Variants in LRBA observed in about 807,000 individuals in gnomAD.
The protein encoded by LRBA is LPS responsive beige-like anchor protein.
A neutral mutation model predicts 330.0 loss-of-function variants in LRBA; 176 were observed. The ratio of observed to expected loss-of-function variants is 0.53; its 90% CI spans 0.47 to 0.60. The LOEUF (loss-of-function observed/expected upper bound fraction) is 0.60, where lower values mean the gene tolerates loss of function less well. LRBA is among the 20% of genes least tolerant of loss of function. The pLI, the probability that LRBA is intolerant of heterozygous loss-of-function variation, is 0.00. For missense variants in LRBA, 3,259 were observed against 3,444.8 expected, an observed-to-expected ratio of 0.95 and a Z score of 1.35; for synonymous variants, 1,230 against 1,193.0, an observed-to-expected ratio of 1.03 and a Z score of -0.64.
At chr4:150,831,409 G>A (rs1747167939) in intron 29 of LRBA, among the ~76,000 whole-genome samples, 1 of 152,032 alleles carries the variant, frequency 6.6e-6, no homozygotes, top group Admixed American at 6.6e-5. Context: ...CCTTTGGGTG[G>A]TAGCTACTTC....
rs570866344 is a variant in LRBA, at chr4:150,852,296, T to C, written c.3414A>G (p.Ala1138=). 1.4e-5 allele frequency: 23 copies of C among 1,614,128 alleles called. No individual in the cohort carries two copies. The East Asian group carries it at 2.2e-4, about 16-fold the overall frequency. ...ELQDNSLSPA[A]SEAGEKLDMF... ...TGTCCAGTTTTTCACCGGCTTCAGA[T>C]GCAGCTGGAGACAAACTGTTATCTT... Residue 1138 remains alanine, a synonymous_variant, in exon 23 of 57, where the codon GCA becomes GCG. Transcript: ENST00000651943.
At chr4:150,819,876 A>C (rs1171672791) in intron 30 of LRBA, among the ~76,000 whole-genome samples, 1 of 151,988 alleles carries the variant, frequency 6.6e-6, no homozygotes, top group East Asian at 1.9e-4. Context: ...TCTTTCACCT[A>C]TTGTCAGGAA....
chr4:150,509,766 T>G (rs1761616482), intron 40 of LRBA, among the ~76,000 whole-genome samples: 1 of 152,100 alleles, frequency 6.6e-6, no homozygotes, highest in Admixed American at 6.6e-5. Flanking sequence ...AAACAGATTT[T>G]TAGACATTAA....
chr4:150,779,367 A>C (rs953216872), intron 34 of LRBA, among the ~76,000 whole-genome samples: 5 of 152,030 alleles, frequency 3.3e-5, no homozygotes, highest in Non-Finnish European at 7.4e-5. Context: ...ATTTTAAACT[A>C]ATAATCATAA....
In LRBA at chr4:150,680,355, AAG is replaced by A. The variant is rs981747059; in HGVS notation, c.5921+3194_5921+3195del. Among the ~76,000 whole-genome samples the A allele has an allele frequency of 3.9e-5, 6 of 152,232 alleles. No homozygotes were observed. In the East Asian group the frequency reaches 5.8e-4, roughly 15 times the overall value. ...GCAATAGTCTAGGCATCAAAGAAAA[AAG>A]AGAGAGAGAGAAAGAACTCTCATGG... On this transcript the variant is annotated intron_variant, in intron 37 of 56. Transcript: ENST00000651943.
intron 40 of LRBA, among the ~76,000 whole-genome samples, chr4:150,501,830 T>A (rs1760318492): frequency 6.6e-6 from 1 of 152,212 alleles, no homozygotes; most frequent in Admixed American, 6.5e-5. Flanking sequence ...ACTGAAAAGT[T>A]GTTTTCAAAA....
chr4:150,453,304 T>A (rs1196588193), intron 44 of LRBA, among the ~76,000 whole-genome samples: 2 of 152,168 alleles, frequency 1.3e-5, no homozygotes, highest in Non-Finnish European at 2.9e-5. Context: ...CTCAAGACTG[T>A]GATACTGATA....
rs1782360 is a variant in LRBA, at chr4:150,852,441, G to C, written c.3269C>G (p.Ala1090Gly). Residue 1090 changes from alanine (A) to glycine (G), a missense_variant, in exon 23 of 57, where the codon GCC becomes GGC. Physicochemically the swap from Ala to Gly is moderately conservative, Grantham distance 60. Coordinates refer to ENST00000651943, the MANE Select transcript of LRBA (RefSeq NM_001364905.1). ...ATCCAAGAATTCTGGCATCTCTGAG[G>C]CATCCTCTTCTGAAGGAGAACTTAT... is the stretch of plus-strand genomic sequence containing the variant. ...ASISSPSEED[A>G]SEMPEFLDKS... is the part of the protein sequence containing the mutation. 0.084 allele frequency: 135,533 copies of C among 1,612,950 alleles called. 9,262 individuals are homozygous for C. The highest frequency in any genetic ancestry group is 0.26 in the South Asian group (23,748 of 91,044).
At chr4:150,404,029 C>T (rs1745842689) in intron 47 of LRBA, among the ~76,000 whole-genome samples, 1 of 151,692 alleles carries the variant, frequency 6.6e-6, no homozygotes, top group Non-Finnish European at 1.5e-5. Flanking sequence ...GAGATTCTGT[C>T]TCAAAAAAAA....
intron 37 of LRBA, among the ~76,000 whole-genome samples, chr4:150,622,745 C>G (rs1399240925): frequency 7.1e-6 from 1 of 140,818 alleles, no homozygotes; most frequent in Non-Finnish European, 1.5e-5. Context: ...TTCACCAGGC[C>G]GGAGTGCAGT....
At chr4:150,987,134 T>C (rs1422238071) in intron 2 of LRBA, among the ~76,000 whole-genome samples, 3 of 152,200 alleles carry the variant, frequency 2.0e-5, no homozygotes, top group East Asian at 1.9e-4. Context: ...AACCAATTAA[T>C]TGGCATTTCC....
rs780106998 is a variant in LRBA, at chr4:150,542,139, A to G, written c.6330+45909T>C. Among the ~76,000 whole-genome samples, 4 of 152,324 alleles carry G rather than the reference A, an allele frequency of 2.6e-5. No individual in the cohort carries two copies. The South Asian group carries it at 6.2e-4, about 24-fold the overall frequency. On this transcript the variant is annotated intron_variant, in intron 40 of 56. Transcript: ENST00000651943. ...AACCAGCTTTTTACTTTTGAAATCA[A>G]TCTCAAACAAAAATGGGTTCATTGC...
chr4:150,276,906 C>T (rs1287332448), intron 56 of LRBA, among the ~76,000 whole-genome samples: 1 of 152,082 alleles, frequency 6.6e-6, no homozygotes, highest in Non-Finnish European at 1.5e-5. Flanking sequence ...ACCATTTGAC[C>T]CACAATCTCA....
intron 40 of LRBA, among the ~76,000 whole-genome samples, chr4:150,494,011 G>A (rs1759270161): frequency 6.6e-6 from 1 of 151,976 alleles, no homozygotes. Flanking sequence ...TCAAGCCCAG[G>A]AATTTGATGG....
chr4:150,668,043 C>A (rs1291050432), intron 37 of LRBA, among the ~76,000 whole-genome samples: 1 of 152,186 alleles, frequency 6.6e-6, no homozygotes, highest in Non-Finnish European at 1.5e-5. Flanking sequence ...AATGTAGTTT[C>A]TTTCTTCCCT....
chr4:150,555,624 G>A (rs915737503), intron 40 of LRBA, among the ~76,000 whole-genome samples: 11 of 151,896 alleles, frequency 7.2e-5, no homozygotes, highest in African/African-American at 2.4e-4. Flanking sequence ...GGTGGCGCAC[G>A]CCTGTAGTCT....
intron 9 of LRBA, among the ~76,000 whole-genome samples, chr4:150,911,016 C>T (rs1274563831): frequency 6.6e-6 from 1 of 152,102 alleles, no homozygotes; most frequent in African/African-American, 2.4e-5. Context: ...AATAGAAACA[C>T]AATTGATTTG....
intron 40 of LRBA, among the ~76,000 whole-genome samples, chr4:150,566,255 C>T (rs937265982): frequency 1.1e-4 from 16 of 152,014 alleles, no homozygotes; most frequent in Admixed American, 5.2e-4. Context: ...AAAATCATAG[C>T]ATGGAAATAA....
intron 2 of LRBA, among the ~76,000 whole-genome samples, chr4:150,963,725 C>T (rs1263693370): frequency 6.7e-5 from 10 of 148,628 alleles, no homozygotes; most frequent in Non-Finnish European, 1.3e-4. Flanking sequence ...GCCGCCACCC[C>T]GTCTAGGAAG....
Sources: allele counts gnomAD v4.1 joint callset (sites outside exome capture counted in the v4.1 genomes callset), GRCh38; gene constraint gnomAD v4.1.1; transcripts MANE v1.5; gene names NCBI Gene and HGNC (gene_info 2026-07-23, HGNC 2026-07-21).